The following PARD3B variants were observed in gnomAD, a reference collection of about 807,000 sequenced individuals.
PARD3B encodes par-3 family cell polarity regulator beta, also known as partitioning defective 3 homolog B.
A neutral mutation model predicts 130.2 loss-of-function variants in PARD3B; 103 were observed. The observed-to-expected ratio is 0.79, with a 90% CI of 0.67 to 0.93. The LOEUF is 0.93. Among genes scored for constraint, PARD3B ranks in the 40% least tolerant of loss-of-function variants. The pLI is 0.00. For synonymous variants in PARD3B, 583 were observed against 553.2 expected, an observed-to-expected ratio of 1.05 and a Z score of -0.76; for missense variants, 1,609 against 1,499.2, an observed-to-expected ratio of 1.07 and a Z score of -1.21.
chr2:204,649,988 C>T (rs10186433), intron 1 of PARD3B, among the ~76,000 whole-genome samples: 113,091 of 151,962 alleles, frequency 0.74, 42,801 homozygotes, highest in South Asian at 0.81. Flanking sequence ...ACCTACTGAA[C>T]AGGAGAAAAT....
At chr2:204,674,092 G>T (rs1174290114) in intron 1 of PARD3B, among the ~76,000 whole-genome samples, 4 of 152,174 alleles carry the variant, frequency 2.6e-5, no homozygotes, top group Non-Finnish European at 1.5e-5. Flanking sequence ...AATGCATAAT[G>T]AATGTCAGAA....
chr2:205,389,977 G>A (rs1246475997), intron 18 of PARD3B, among the ~76,000 whole-genome samples: 2 of 152,052 alleles, frequency 1.3e-5, no homozygotes, highest in African/African-American at 4.8e-5. Flanking sequence ...TTACATTTAT[G>A]GAAAACAAAA....
chr2:204,721,852 G>A (rs905256262), intron 2 of PARD3B, among the ~76,000 whole-genome samples: 4 of 151,974 alleles, frequency 2.6e-5, no homozygotes, highest in African/African-American at 9.7e-5. Context: ...CAATAAGTAT[G>A]CATTTCTTGA....
rs1353590348 is a variant in PARD3B at position 204,972,438 on chromosome 2, T to C, written c.394+7115T>C. On this transcript the variant is annotated intron_variant, in intron 3 of 22. Coordinates refer to ENST00000406610, the MANE Select transcript of PARD3B (RefSeq NM_001302769.2). ...CTTGTATTTTCATTTTTTTGTTTTA[T>C]ATTCAGTTAACTTTTGTATTTTAGT... is the stretch of plus-strand genomic sequence containing the variant. 2.0e-5 allele frequency among the ~76,000 whole-genome samples: 3 copies of C among 152,198 alleles called. No individual in the cohort carries two copies. The East Asian group carries it at 5.8e-4, about 29-fold the overall frequency.
intron 15 of PARD3B, among the ~76,000 whole-genome samples, chr2:205,217,894 A>ATATATATATAT (rs1559553191): frequency 3.2e-5 from 1 of 31,074 alleles, no homozygotes; most frequent in African/African-American, 1.3e-4. Context: ...ATATATATAT[A>ATATATATATAT]TTTTTTTTTT....
At chr2:204,685,021 A>T (rs779082142) in intron 1 of PARD3B, among the ~76,000 whole-genome samples, 2 of 152,168 alleles carry the variant, frequency 1.3e-5, no homozygotes, top group African/African-American at 4.8e-5. Context: ...TTAAAAAAGT[A>T]TTGTTTAATA....
chr2:204,620,699 A>AT (rs1574563546), intron 1 of PARD3B, among the ~76,000 whole-genome samples: 1 of 152,328 alleles, frequency 6.6e-6, no homozygotes, highest in East Asian at 1.9e-4. Flanking sequence ...CACTAACTGT[A>AT]TACGTAGTCC....
intron 2 of PARD3B, among the ~76,000 whole-genome samples, chr2:204,961,329 G>T (rs566185949): frequency 4.6e-5 from 7 of 152,116 alleles, no homozygotes; most frequent in Non-Finnish European, 8.8e-5. Context: ...GACACTGGAG[G>T]TGGTGAGAAG....
chr2:204,601,406 G>T (rs909572545), intron 1 of PARD3B, among the ~76,000 whole-genome samples: 12 of 152,024 alleles, frequency 7.9e-5, no homozygotes, highest in Admixed American at 2.0e-4. Context: ...GTTAGATGGT[G>T]ATTGCTATAT....
At chr2:204,722,057 A>T (rs2039022443) in intron 2 of PARD3B, among the ~76,000 whole-genome samples, 1 of 152,190 alleles carries the variant, frequency 6.6e-6, no homozygotes, top group African/African-American at 2.4e-5. Context: ...ATAATCATTA[A>T]TGTTTACATC....
chr2:205,340,927 G>T (rs1225591326), intron 18 of PARD3B, among the ~76,000 whole-genome samples: 1 of 151,968 alleles, frequency 6.6e-6, no homozygotes, highest in Non-Finnish European at 1.5e-5. Context: ...ATTAAAATGT[G>T]CACAAATAAG....
chr2:205,320,405 T>A (rs2105962685), intron 18 of PARD3B, among the ~76,000 whole-genome samples: 1 of 152,312 alleles, frequency 6.6e-6, no homozygotes, highest in African/African-American at 2.4e-5. Context: ...TAGTGAGCTC[T>A]GCTCTTCAGT....
Position 205,152,259 on chromosome 2 carries a change from G to C in PARD3B, c.1435-6463G>C, listed in dbSNP as rs561724203. On this transcript the variant is annotated intron_variant, in intron 10 of 22. Coordinates refer to ENST00000406610, the MANE Select transcript of PARD3B (RefSeq NM_001302769.2). Reference sequence around the variant, plus strand: ...GTTTTGGAGTTGCTCTTCTCAAGGAGTATCTTTGTGGCGTTCTCTGTATTT... The same window carrying C: ...GTTTTGGAGTTGCTCTTCTCAAGGACTATCTTTGTGGCGTTCTCTGTATTT... 2.6e-5 allele frequency among the ~76,000 whole-genome samples: 4 copies of C among 152,278 alleles called. No individual in the cohort carries two copies. The South Asian group carries it at 8.3e-4, about 32-fold the overall frequency.
At chr2:205,533,756 G>T (rs1372396073) in intron 21 of PARD3B, among the ~76,000 whole-genome samples, 1 of 152,010 alleles carries the variant, frequency 6.6e-6, no homozygotes, top group East Asian at 1.9e-4. Flanking sequence ...TTGAGACAGG[G>T]TCTTGCTTTG....
intron 20 of PARD3B, among the ~76,000 whole-genome samples, chr2:205,453,018 T>C (rs890676798): frequency 5.3e-5 from 8 of 152,356 alleles, no homozygotes; most frequent in African/African-American, 1.9e-4. Flanking sequence ...TAACTAATTC[T>C]GTTTACTAAG....
intron 2 of PARD3B, among the ~76,000 whole-genome samples, chr2:204,735,725 T>C (rs2039716288): frequency 6.6e-6 from 1 of 152,178 alleles, no homozygotes; most frequent in Non-Finnish European, 1.5e-5. Flanking sequence ...TTTGGTTAAT[T>C]GTTTTGGTGT....
intron 15 of PARD3B, among the ~76,000 whole-genome samples, chr2:205,219,736 T>G (rs1359082094): frequency 1.3e-5 from 2 of 152,232 alleles, no homozygotes; most frequent in African/African-American, 4.8e-5. Context: ...CTTGAGTTAC[T>G]ACGTCTTTAT....
intron 22 of PARD3B, among the ~76,000 whole-genome samples, chr2:205,597,626 T>C (rs1252169961): frequency 6.6e-6 from 1 of 152,196 alleles, no homozygotes; most frequent in Non-Finnish European, 1.5e-5. Context: ...TGGATTAACT[T>C]ACATTCCCAC....
intron 20 of PARD3B, among the ~76,000 whole-genome samples, chr2:205,478,419 C>A (rs1025185790): frequency 1.3e-5 from 2 of 152,202 alleles, no homozygotes; most frequent in African/African-American, 4.8e-5. Context: ...AGTGGGTTTT[C>A]ATGGTTTTCT....
Sources: allele counts gnomAD v4.1 joint callset (sites outside exome capture counted in the v4.1 genomes callset), GRCh38; gene constraint gnomAD v4.1.1; transcripts MANE v1.5; gene names NCBI Gene and HGNC (gene_info 2026-07-23, HGNC 2026-07-21).